Variants in UST observed in about 807,000 individuals in gnomAD.
UST encodes the protein chondroitin sulfate 2-O-sulfotransferase.
UST carries 21 observed loss-of-function variants against 45.6 expected under a neutral mutation model. The observed-to-expected ratio is 0.46, with a 90% CI of 0.33 to 0.66. UST has a LOEUF of 0.66. UST is among the 30% of genes least tolerant of loss of function. UST has a pLI of 0.02. For synonymous variants in UST, 215 were observed against 200.6 expected, an observed-to-expected ratio of 1.07 and a Z score of -0.61; for missense variants, 463 against 512.4, an observed-to-expected ratio of 0.90 and a Z score of 0.93.
chr6:148,865,995 ATATATGTGTGTGTATGTATATG>A (rs1469523793), intron 1 of UST, among the ~76,000 whole-genome samples: 23 of 152,154 alleles, frequency 1.5e-4, no homozygotes, highest in South Asian at 2.1e-4. Context: ...TAACTTTAGA[ATATATGTGTGTGTATGTATATG>A]TATATGTGTG....
At chr6:148,758,417 A>G (rs531772293) in intron 1 of UST, among the ~76,000 whole-genome samples, 2 of 151,926 alleles carry the variant, frequency 1.3e-5, no homozygotes, top group African/African-American at 4.9e-5. Flanking sequence ...CATTCACAAA[A>G]TAAAAATAGC....
At chr6:148,982,708 A>G (rs1400976335) in intron 5 of UST, among the ~76,000 whole-genome samples, 5 of 152,254 alleles carry the variant, frequency 3.3e-5, no homozygotes, top group Admixed American at 6.5e-5. Context: ...CACTTCTGTT[A>G]TGCTTAGCAG....
chr6:148,932,576 G>A (rs962041282), intron 2 of UST, among the ~76,000 whole-genome samples: 3 of 151,986 alleles, frequency 2.0e-5, no homozygotes, highest in Non-Finnish European at 2.9e-5. Context: ...TTGGTCTATG[G>A]CATTGATAGC....
chr6:149,065,817 C>T (rs1056866173), intron 7 of UST, among the ~76,000 whole-genome samples: 2 of 152,146 alleles, frequency 1.3e-5, no homozygotes, highest in Admixed American at 6.5e-5. Context: ...TGTTTCTGAC[C>T]GCGACATAAC....
At chr6:149,057,680 G>A (rs757445026) in intron 7 of UST, among the ~76,000 whole-genome samples, 20 of 152,062 alleles carry the variant, frequency 1.3e-4, no homozygotes, top group Admixed American at 3.3e-4. Flanking sequence ...ATAAAATGGA[G>A]CATATAAAAA....
chr6:148,962,387 T>G (rs1446687015), intron 4 of UST, among the ~76,000 whole-genome samples: 1 of 152,250 alleles, frequency 6.6e-6, no homozygotes, highest in African/African-American at 2.4e-5. Context: ...CTAGCAGTCA[T>G]TCTTCACATG....
intron 5 of UST, among the ~76,000 whole-genome samples, chr6:149,007,082 C>T (rs1775728162): frequency 1.3e-5 from 2 of 149,344 alleles, no homozygotes; most frequent in South Asian, 4.2e-4. Flanking sequence ...TTTAAACATT[C>T]CAAAAAGTGA....
At chr6:148,766,937 A>G (rs889744870) in intron 1 of UST, among the ~76,000 whole-genome samples, 3 of 152,244 alleles carry the variant, frequency 2.0e-5, no homozygotes, top group Non-Finnish European at 4.4e-5. Flanking sequence ...TCTATGACTT[A>G]TAACACTTTA....
At chr6:149,000,655 A>C (rs905107120) in intron 5 of UST, among the ~76,000 whole-genome samples, 1 of 152,240 alleles carries the variant, frequency 6.6e-6, no homozygotes, top group African/African-American at 2.4e-5. Flanking sequence ...ACAACCTGAC[A>C]AAGTCTTTAA....
intron 1 of UST, among the ~76,000 whole-genome samples, chr6:148,866,953 G>A (rs1310776115): frequency 1.3e-5 from 2 of 151,714 alleles, no homozygotes; most frequent in African/African-American, 2.4e-5. Flanking sequence ...TCATGGCCTC[G>A]AGGGCAACCA....
intron 1 of UST, among the ~76,000 whole-genome samples, chr6:148,793,101 A>G (rs1169484527): frequency 6.6e-6 from 1 of 152,122 alleles, no homozygotes; most frequent in Non-Finnish European, 1.5e-5. Context: ...AATGACATGA[A>G]ATGATTTTTA....
At chr6:149,000,558 G>A (rs1781529130) in intron 5 of UST, among the ~76,000 whole-genome samples, 1 of 151,826 alleles carries the variant, frequency 6.6e-6, no homozygotes, top group South Asian at 2.1e-4. Flanking sequence ...ACATTCTAAG[G>A]AACATGGAAA....
In UST at chr6:148,748,551, CT is replaced by C. The variant is rs1425823902; in HGVS notation, c.247+875del. ...CCAGCGAGAAGGCGTGACCCCGCAG[CT>C]CCCTCGTCTCGGCTGCGGGAGCCAG... On this transcript the variant is annotated intron_variant, in intron 1 of 7. Transcript: ENST00000367463. The surrounding 1 kb of genome is among the most constrained non-coding windows in gnomAD (Gnocchi z 5.3). 3.9e-5 allele frequency among the ~76,000 whole-genome samples: 6 copies of C among 152,106 alleles called. No individual in the cohort carries two copies. The East Asian group carries it at 1.2e-3, about 29-fold the overall frequency.
At chr6:149,046,886 A>T (rs1348660898) in intron 7 of UST, among the ~76,000 whole-genome samples, 2 of 152,196 alleles carry the variant, frequency 1.3e-5, no homozygotes, top group Non-Finnish European at 2.9e-5. Context: ...GAAGTGTGGC[A>T]TGAGGACTCT....
intron 1 of UST, among the ~76,000 whole-genome samples, chr6:148,833,367 A>G (rs1334381284): frequency 6.6e-6 from 1 of 152,128 alleles, no homozygotes; most frequent in African/African-American, 2.4e-5. Context: ...TGTACCTGTG[A>G]TCCCAGCTAC....
intron 1 of UST, among the ~76,000 whole-genome samples, chr6:148,755,039 G>A (rs768621326): frequency 1.9e-4 from 29 of 152,196 alleles, no homozygotes; most frequent in Non-Finnish European, 4.1e-4. Flanking sequence ...TGACTTGTAT[G>A]TGGAATATGA....
intron 4 of UST, among the ~76,000 whole-genome samples, chr6:148,955,286 G>A (rs185898372): frequency 1.3e-5 from 2 of 152,248 alleles, no homozygotes; most frequent in Non-Finnish European, 2.9e-5. Context: ...CAACCCACCT[G>A]GCTGGAAGAA....
intron 4 of UST, among the ~76,000 whole-genome samples, chr6:148,957,274 G>A (rs888675930): frequency 1.3e-5 from 2 of 152,202 alleles, no homozygotes; most frequent in Non-Finnish European, 2.9e-5. Flanking sequence ...AGAATGATCA[G>A]TTGAACTTTA....
At chr6:148,969,406 A>G (rs191127714) in intron 5 of UST, among the ~76,000 whole-genome samples, 5 of 152,318 alleles carry the variant, frequency 3.3e-5, no homozygotes, top group Non-Finnish European at 7.4e-5. Flanking sequence ...CCAGGGGCCC[A>G]AGATAAGGTG....
Sources: gnomAD v4.1 joint callset for allele counts (sites outside exome capture counted in the v4.1 genomes callset) on GRCh38, gnomAD v4.1.1 for gene constraint, Gnocchi (gnomAD v3.1) non-coding constraint, MANE v1.5 for transcripts, NCBI Gene and HGNC (gene_info 2026-07-23, HGNC 2026-07-21) for gene names.